The following LRRC8C variants were observed in gnomAD, a reference collection of about 807,000 sequenced individuals.
The protein encoded by LRRC8C is leucine rich repeat containing 8 VRAC subunit C.
A neutral mutation model predicts 55.3 loss-of-function variants in LRRC8C; 20 were observed. The ratio of observed to expected loss-of-function variants is 0.36; its 90% CI spans 0.25 to 0.53. The LOEUF (loss-of-function observed/expected upper bound fraction) is 0.53, where lower values mean the gene tolerates loss of function less well. Ranked by LOEUF, LRRC8C falls within the 20% of genes least tolerant of loss-of-function variation. The pLI is 0.92. For synonymous variants in LRRC8C, 376 were observed against 360.7 expected (o/e 1.04, Z -0.48); for missense variants, 659 against 951.4 (o/e 0.69, Z 4.04).
intron 1 of LRRC8C, among the ~76,000 whole-genome samples, chr1:89,653,046 A>G (rs1439779324): frequency 6.6e-6 from 1 of 152,194 alleles, no homozygotes; most frequent in African/African-American, 2.4e-5. Context: ...CTGTAGGCTC[A>G]TGAAGTGTCT....
chr1:89,681,859 T>C (rs552070889), intron 1 of LRRC8C, among the ~76,000 whole-genome samples: 2 of 152,144 alleles, frequency 1.3e-5, no homozygotes, highest in African/African-American at 2.4e-5. Flanking sequence ...TATGTAGACA[T>C]GTAGACATAC....
At chr1:89,679,128 G>A (rs1168736519) in intron 1 of LRRC8C, among the ~76,000 whole-genome samples, 1 of 152,180 alleles carries the variant, frequency 6.6e-6, no homozygotes, top group African/African-American at 2.4e-5. Context: ...CCAAACAAGG[G>A]GGTCGGGGAG....
chr1:89,675,739 T>C (rs181918921), intron 1 of LRRC8C, among the ~76,000 whole-genome samples: 2 of 152,234 alleles, frequency 1.3e-5, no homozygotes, highest in Admixed American at 1.3e-4. Flanking sequence ...GGGTTTAGAA[T>C]CCGATTGGGA....
At chr1:89,625,049 G>A in the LRRC8C span, 9 of 152,196 alleles carry the variant, frequency 5.9e-5, no homozygotes, top group Admixed American at 5.9e-4. Flanking sequence ...CTCTCAGTGG[G>A]ATGGATGGTG....
At chr1:89,634,618 C>T (rs1346331330) in intron 1 of LRRC8C, among the ~76,000 whole-genome samples, 1 of 152,108 alleles carries the variant, frequency 6.6e-6, no homozygotes, top group African/African-American at 2.4e-5. Context: ...TCGCCAGAGC[C>T]AATAATTTTT....
At chr1:89,621,388 G>A in the LRRC8C span, among the ~76,000 whole-genome samples, 1 of 151,920 alleles carries the variant, frequency 6.6e-6, no homozygotes, top group African/African-American at 2.4e-5. Flanking sequence ...AGAATGGCGT[G>A]AACCCAGGAG....
intron 1 of LRRC8C, among the ~76,000 whole-genome samples, chr1:89,667,060 C>T (rs1657287646): frequency 6.6e-6 from 1 of 152,022 alleles, no homozygotes; most frequent in African/African-American, 2.4e-5. Flanking sequence ...AAGGTGTCTC[C>T]AATAATGATA....
chr1:89,677,732 C>T (rs1219598778), intron 1 of LRRC8C, among the ~76,000 whole-genome samples: 2 of 152,154 alleles, frequency 1.3e-5, no homozygotes, highest in African/African-American at 4.8e-5. Context: ...AATTTTATAA[C>T]CCATTTATGC....
At chr1:89,654,370 G>A (rs539403808) in intron 1 of LRRC8C, among the ~76,000 whole-genome samples, 2 of 152,216 alleles carry the variant, frequency 1.3e-5, no homozygotes, top group East Asian at 1.9e-4. Context: ...CCACTACCCA[G>A]TATAGCCATG....
At chr1:89,625,808 TA>T in the LRRC8C span, among the ~76,000 whole-genome samples, 1 of 152,178 alleles carries the variant, frequency 6.6e-6, no homozygotes, top group East Asian at 1.9e-4. Flanking sequence ...GGCTTAAAAT[TA>T]GATGCTTCGT....
chr1:89,676,541 A>G (rs1657552299), intron 1 of LRRC8C, among the ~76,000 whole-genome samples: 1 of 152,184 alleles, frequency 6.6e-6, no homozygotes, highest in African/African-American at 2.4e-5. Context: ...ACGTAATGAA[A>G]GAGTTGGTCC....
chr1:89,626,472 G>A, the LRRC8C span: 1 of 152,200 alleles, frequency 6.6e-6, no homozygotes, highest in Non-Finnish European at 1.5e-5. Flanking sequence ...CCAATCATAA[G>A]TGGCAGGTTC....
At chr1:89,689,345 C>T (rs1041579831) in intron 2 of LRRC8C, among the ~76,000 whole-genome samples, 7 of 152,128 alleles carry the variant, frequency 4.6e-5, no homozygotes, top group African/African-American at 1.7e-4. Context: ...GGTGCCAGAT[C>T]ACGTAGGGCC....
intron 1 of LRRC8C, among the ~76,000 whole-genome samples, chr1:89,670,850 T>C (rs1657393576): frequency 6.6e-6 from 1 of 152,186 alleles, no homozygotes; most frequent in African/African-American, 2.4e-5. Flanking sequence ...TTTTATACCC[T>C]GTTTGTCTCT....
At chr1:89,681,886 A>T (rs1285691564) in intron 1 of LRRC8C, among the ~76,000 whole-genome samples, 1 of 152,184 alleles carries the variant, frequency 6.6e-6, no homozygotes, top group African/African-American at 2.4e-5. Context: ...ATACGCATTT[A>T]CTCAAAAAAA....
rs1296074393 is a variant in LRRC8C, at chr1:89,719,455, T to C, written c.*4473T>C. On this transcript the variant is annotated 3_prime_UTR_variant, in exon 3 of 3. Coordinates refer to ENST00000370454, the MANE Select transcript of LRRC8C (RefSeq NM_032270.5). The stretch of plus-strand genomic sequence containing the variant: ...AAAGTTGATTTGTCATAGTGCAAAT[T>C]CATGATAAAATGTCTTAATGTTATT... The C allele has an allele frequency of 2.6e-5, 4 of 152,178 alleles. No homozygotes were observed. The highest frequency in any genetic ancestry group is 4.4e-5 in the Non-Finnish European group (3 of 68,026). 9.4% of individuals were successfully genotyped at this position (152,178 alleles called of 1,614,324 possible).
intron 1 of LRRC8C, among the ~76,000 whole-genome samples, chr1:89,657,659 C>T (rs978895350): frequency 1.5e-4 from 23 of 150,852 alleles, no homozygotes; most frequent in South Asian, 4.2e-4. Context: ...GAGAATTGCT[C>T]GAACCCGGGA....
In LRRC8C at chr1:89,639,108, C is replaced by G. The variant is rs575806682; in HGVS notation, c.-5+5786C>G. On this transcript the variant is annotated intron_variant, in intron 1 of 2. Coordinates refer to ENST00000370454, the MANE Select transcript of LRRC8C (RefSeq NM_032270.5). ...CCAGGCGATTCTCCTGCCTCAGCCT[C>G]TGGAGTAGCTGGGACTACAGGCACA... Among the ~76,000 whole-genome samples the G allele has an allele frequency of 4.6e-5, 7 of 152,060 alleles. No homozygotes were observed. In the South Asian group the frequency reaches 1.0e-3, roughly 23 times the overall value.
In LRRC8C at chr1:89,716,245, T is replaced by A. The variant is rs1391067804; in HGVS notation, c.*1263T>A. The A allele has an allele frequency of 6.6e-6, 1 of 152,204 alleles. No homozygotes were observed. The highest frequency in any genetic ancestry group is 2.4e-5 in the African/African-American group (1 of 41,456). The allele number at this position is 152,204 out of a possible 1,614,324, so 9.4% of individuals were successfully genotyped here. On this transcript the variant is annotated 3_prime_UTR_variant, in exon 3 of 3. Coordinates refer to ENST00000370454, the MANE Select transcript of LRRC8C (RefSeq NM_032270.5). ...GTTATATGCAATTTCTGCACCATTT[T>A]ATGTCAAGGATTTTGAACATCCTCA...
Sources: allele counts gnomAD v4.1 joint callset (sites outside exome capture counted in the v4.1 genomes callset), GRCh38; gene constraint gnomAD v4.1.1; transcripts MANE v1.5; gene names NCBI Gene and HGNC (gene_info 2026-07-23, HGNC 2026-07-21).